The following ZNF609 variants were observed in gnomAD, a reference collection of about 807,000 sequenced individuals.
ZNF609 encodes the protein zinc finger protein 609.
A neutral mutation model predicts 109.5 loss-of-function variants in ZNF609; 11 were observed. The observed-to-expected ratio is 0.10, with a 90% confidence interval of 0.06 to 0.17. ZNF609 has a LOEUF of 0.17. Among genes scored for constraint, ZNF609 ranks in the 10% least tolerant of loss-of-function variants. ZNF609 has a pLI of 1.00. For missense variants in ZNF609, 1,559 were observed against 1,772.4 expected, an observed-to-expected ratio of 0.88 and a Z score of 2.16; for synonymous variants, 646 against 662.0, an observed-to-expected ratio of 0.98 and a Z score of 0.37.
At chr15:64,616,709 C>A (rs974693251) in intron 2 of ZNF609, among the ~76,000 whole-genome samples, 2 of 150,044 alleles carry the variant, frequency 1.3e-5, no homozygotes, top group Non-Finnish European at 3.0e-5. Flanking sequence ...CTAGTAGAGA[C>A]GGGGTTTCAC....
At chr15:64,652,009 A>C (rs1896423820) in intron 3 of ZNF609, among the ~76,000 whole-genome samples, 1 of 152,068 alleles carries the variant, frequency 6.6e-6, no homozygotes, top group South Asian at 2.1e-4. Flanking sequence ...TTAAGACATG[A>C]AACCTGAGAG....
At chr15:64,580,926 C>T (rs1895090440) in intron 2 of ZNF609, among the ~76,000 whole-genome samples, 1 of 137,872 alleles carries the variant, frequency 7.3e-6, no homozygotes, top group African/African-American at 2.7e-5. Flanking sequence ...CAGCAGTTGA[C>T]AACTCTGTTT....
In ZNF609 at chr15:64,598,742, G is replaced by GTATATA. The variant is rs1169879124; in HGVS notation, c.748-24045_748-24040dup. Reference sequence around the variant, plus strand: ...CTGTCCATCATACATCTTTGTGTGTGTATATATATATATATATATATATAT... The same window carrying GTATATA: ...CTGTCCATCATACATCTTTGTGTGTGTATATATATATATATATATATATATATATAT... On this transcript the variant is annotated intron_variant, in intron 2 of 9. Transcript: ENST00000326648. Among the ~76,000 whole-genome samples the GTATATA allele has an allele frequency of 1.2e-3, 74 of 60,250 alleles. 1 individual carries two copies. The highest frequency in any genetic ancestry group is 1.5e-3 in the Non-Finnish European group (48 of 32,510). The allele number at this position is 60,250 out of a possible 152,430, so 39.5% of individuals were successfully genotyped here. A position where few individuals can be genotyped will look rare whatever the true frequency, so the allele number is the denominator to read the frequency against.
chr15:64,632,261 C>T (rs932724717), intron 3 of ZNF609, among the ~76,000 whole-genome samples: 5 of 151,726 alleles, frequency 3.3e-5, no homozygotes, highest in African/African-American at 1.2e-4. Flanking sequence ...TATTACATTG[C>T]ACAGGCTGAT....
intron 2 of ZNF609, among the ~76,000 whole-genome samples, chr15:64,584,227 G>A (rs750329800): frequency 2.0e-5 from 3 of 152,170 alleles, no homozygotes; most frequent in Non-Finnish European, 4.4e-5. Flanking sequence ...GGAGGCCGAG[G>A]CAGGTGGATT....
rs944923232 is a variant in ZNF609 at position 64,685,761 on chromosome 15, G to C, written c.*4075G>C. 2.6e-5 allele frequency: 4 copies of C among 152,734 alleles called. No individual in the cohort carries two copies. The highest frequency in any genetic ancestry group is 7.2e-5 in the African/African-American group (3 of 41,454). The allele number at this position is 152,734 out of a possible 1,614,324, so 9.5% of individuals were successfully genotyped here. ...AACTCCCCCGACATTCCAGCCTCTA[G>C]AATGCTCTGATCCAGAGCTCAGTGG... On this transcript the variant is annotated 3_prime_UTR_variant, in exon 10 of 10. Transcript: ENST00000326648.
At chr15:64,602,197 A>C (rs1177922664) in intron 2 of ZNF609, among the ~76,000 whole-genome samples, 4 of 152,118 alleles carry the variant, frequency 2.6e-5, no homozygotes, top group Non-Finnish European at 5.9e-5. Flanking sequence ...TGCTAAGTTT[A>C]TTTAACACTA....
intron 1 of ZNF609, among the ~76,000 whole-genome samples, chr15:64,463,040 G>A (rs1742284838): frequency 6.6e-6 from 1 of 152,064 alleles, no homozygotes; most frequent in African/African-American, 2.4e-5. Context: ...GATCACTTGA[G>A]CCTAGGAGTT....
chr15:64,517,715 G>C (rs914265486), intron 2 of ZNF609, among the ~76,000 whole-genome samples: 2 of 151,770 alleles, frequency 1.3e-5, no homozygotes, highest in African/African-American at 4.8e-5. Context: ...AAAAATAAAA[G>C]TTAAATGGAT....
intron 1 of ZNF609, among the ~76,000 whole-genome samples, chr15:64,491,114 G>A (rs905868753): frequency 6.6e-6 from 1 of 152,178 alleles, no homozygotes; most frequent in African/African-American, 2.4e-5. Context: ...AGATGACACA[G>A]TTCCTTTGTT....
intron 6 of ZNF609, among the ~76,000 whole-genome samples, chr15:64,678,965 A>G (rs1896843904): frequency 6.6e-6 from 1 of 152,236 alleles, no homozygotes; most frequent in African/African-American, 2.4e-5. Context: ...CAGTTGCCAG[A>G]TCATGTTCAC....
chr15:64,531,558 C>T (rs1325847499), intron 2 of ZNF609, among the ~76,000 whole-genome samples: 1 of 152,072 alleles, frequency 6.6e-6, no homozygotes, highest in Admixed American at 6.6e-5. Flanking sequence ...CCACCATGCC[C>T]AGCTAATTTT....
intron 3 of ZNF609, among the ~76,000 whole-genome samples, chr15:64,644,958 CT>C (rs1361323133): frequency 2.1e-5 from 3 of 145,522 alleles, no homozygotes; most frequent in Non-Finnish European, 4.5e-5. Context: ...CTCTCTCTTT[CT>C]TTTCTTTTCT....
At chr15:64,669,040 A>G (rs1896689992) in intron 3 of ZNF609, among the ~76,000 whole-genome samples, 2 of 152,120 alleles carry the variant, frequency 1.3e-5, no homozygotes, top group Admixed American at 1.3e-4. Context: ...CAGATTGGCA[A>G]AGAACAAAAT....
At chr15:64,577,936 C>G (rs1001578031) in intron 2 of ZNF609, among the ~76,000 whole-genome samples, 5 of 151,684 alleles carry the variant, frequency 3.3e-5, no homozygotes, top group Admixed American at 6.6e-5. Flanking sequence ...GGGAGGATTG[C>G]TTGAGGCCAG....
intron 7 of ZNF609, 75 bp from the exon 8 acceptor site, chr15:64,680,561 TTGTGTGTGTG>T (rs147044397): frequency 3.2e-5 from 36 of 1,133,934 alleles, no homozygotes; most frequent in African/African-American, 2.7e-4. Context: ...GGCATCTCAC[TTGTGTGTGTG>T]TGTGTGTGTG....
At chr15:64,552,126 G>T (rs898855260) in intron 2 of ZNF609, among the ~76,000 whole-genome samples, 4 of 152,068 alleles carry the variant, frequency 2.6e-5, no homozygotes, top group Non-Finnish European at 5.9e-5. Flanking sequence ...CCAGTCTGTG[G>T]CTTGTCTTTT....
chr15:64,676,201 C>G lies in ZNF609; in HGVS notation c.3347C>G (p.Thr1116Arg). The G allele has an allele frequency of 6.2e-7, 1 of 1,614,066 alleles. No individual in the cohort carries two copies. ...HLSKEASEAK[T>R]GAECGRQAEM... ...AGCAAGGAGGCCTCTGAGGCCAAGA[C>G]AGGTGCTGAGTGTGGTCGACAGGCA... is the stretch of plus-strand genomic sequence containing the variant. Residue 1116 changes from threonine (T) to arginine (R), a missense_variant, in exon 5 of 10, where the codon ACA (threonine) becomes AGA (arginine). Physicochemically the swap from Thr to Arg is moderately conservative, Grantham distance 71. Around this residue, in one of 4 missense-constraint regions of ZNF609, gnomAD observed 1,204 missense variants for 1,314.1 expected, o/e 0.92. Transcript: ENST00000326648.
chr15:64,656,551 C>A (rs1896490550), intron 3 of ZNF609, among the ~76,000 whole-genome samples: 1 of 152,170 alleles, frequency 6.6e-6, no homozygotes, highest in Admixed American at 6.5e-5. Context: ...TATCCCAAAT[C>A]CATTTAGGAT....
Sources: gnomAD v4.1 joint callset for allele counts (sites outside exome capture counted in the v4.1 genomes callset) on GRCh38, gnomAD v4.1.1 for gene constraint, gnomAD v4.1.1 regional missense constraint, MANE v1.5 for transcripts, NCBI Gene and HGNC (gene_info 2026-07-23, HGNC 2026-07-21) for gene names.